The following ETNK1 variants were observed in gnomAD, a reference collection of about 807,000 sequenced individuals.
ETNK1 encodes the protein ethanolamine kinase 1.
ETNK1 carries 8 observed loss-of-function variants against 45.1 expected under a neutral mutation model. The observed-to-expected ratio is 0.18, with a 90% confidence interval of 0.10 to 0.32. ETNK1 has a LOEUF of 0.32. Among genes scored for constraint, ETNK1 ranks in the 10% least tolerant of loss-of-function variants. The probability of loss-of-function intolerance (pLI) is 1.00; values close to 1 mark genes in which losing one functional copy is unlikely to be tolerated. For missense variants in ETNK1, 302 were observed against 430.6 expected, an observed-to-expected ratio of 0.70 and a Z score of 2.64; for synonymous variants, 152 against 151.9, an observed-to-expected ratio of 1.00 and a Z score of -0.01.
rs1954273168 is a variant in ETNK1 at position 22,687,886 on chromosome 12, C to T, written c.*2932C>T. On this transcript the variant is annotated 3_prime_UTR_variant, in exon 8 of 8. Coordinates refer to ENST00000266517, the MANE Select transcript of ETNK1 (RefSeq NM_018638.5). Reference sequence around the variant, plus strand: ...AAAATAGCCAACAGTTGTGGCTACACAGTGAGATCACAGGAACTGGAAATA... The same window carrying T: ...AAAATAGCCAACAGTTGTGGCTACATAGTGAGATCACAGGAACTGGAAATA... The T allele has an allele frequency of 6.6e-6, 1 of 152,274 alleles. No homozygotes were observed. Among genetic ancestry groups the T allele is most frequent in the Admixed American group, 6.6e-5 (1 of 15,244 alleles). The allele number at this position is 152,274 out of a possible 1,614,324, so 9.4% of individuals were successfully genotyped here. A position where few individuals can be genotyped will look rare whatever the true frequency, so the allele number is the denominator to read the frequency against.
intron 6 of ETNK1, among the ~76,000 whole-genome samples, chr12:22,681,007 C>A (rs1954210292): frequency 6.7e-6 from 1 of 148,218 alleles, no homozygotes; most frequent in Non-Finnish European, 1.5e-5. Flanking sequence ...AATTAAAATA[C>A]CCTTTAACAG....
chr12:22,669,534 A>G (rs1954086818), intron 4 of ETNK1, among the ~76,000 whole-genome samples: 1 of 151,758 alleles, frequency 6.6e-6, no homozygotes, highest in South Asian at 2.1e-4. Flanking sequence ...TGAAAATGAG[A>G]TTTCTTCATG....
intron 1 of ETNK1, chr12:22,626,017 G>T: frequency 2.6e-6 from 1 of 383,234 alleles, no homozygotes; most frequent in Non-Finnish European, 5.1e-6. Context: ...CTCCCCCTGC[G>T]ATGTGCTTTC....
In ETNK1 at chr12:22,643,925, C is replaced by T. The variant is rs1250283977; in HGVS notation, c.319C>T (p.Pro107Ser). ...FRVLQAHGCA[P>S]QLYCTFNNGL... ...AGTGTTGCAGGCTCATGGGTGTGCACCACAACTCTACTGTACCTTCAATAA... is the reference window on the plus strand; with the variant it reads ...AGTGTTGCAGGCTCATGGGTGTGCATCACAACTCTACTGTACCTTCAATAA... Residue 107 changes from proline to serine, a missense_variant, in exon 2 of 8, where the codon CCA becomes TCA. Coordinates refer to ENST00000266517, the MANE Select transcript of ETNK1 (RefSeq NM_018638.5). The T allele has an allele frequency of 6.2e-7, 1 of 1,613,274 alleles. No homozygotes were observed. The highest frequency in any genetic ancestry group is 1.3e-5 in the African/African-American group (1 of 74,828).
chr12:22,675,466 C>T (rs986755161), intron 6 of ETNK1, among the ~76,000 whole-genome samples: 3 of 151,400 alleles, frequency 2.0e-5, no homozygotes, highest in African/African-American at 7.3e-5. Flanking sequence ...AGGGGTTCTC[C>T]CAACTCAGCC....
chr12:22,645,021 G>C (rs1391040095), intron 2 of ETNK1, among the ~76,000 whole-genome samples: 1 of 151,806 alleles, frequency 6.6e-6, no homozygotes, highest in African/African-American at 2.4e-5. Context: ...ATAGAAATCT[G>C]TTCAAACCCT....
rs967489038 is a variant in ETNK1 at position 22,648,548 on chromosome 12, G to A, written c.416+4526G>A. On this transcript the variant is annotated intron_variant, in intron 2 of 7. Coordinates refer to ENST00000266517, the MANE Select transcript of ETNK1 (RefSeq NM_018638.5). ...TTCCATGTCTTTTTATGGCTTATTG[G>A]CAGATTTCTTTTTAGGGTTCTGAAT... Among the ~76,000 whole-genome samples the A allele has an allele frequency of 1.8e-4, 27 of 151,920 alleles. 1 individual carries two copies. The highest frequency in any genetic ancestry group is 8.8e-5 in the Non-Finnish European group (6 of 67,854).
At chr12:22,656,608 C>T in intron 2 of ETNK1, 1 of 985,378 alleles carries the variant, frequency 1.0e-6, no homozygotes. Context: ...TGCCTCTCTT[C>T]ACACCTGTTC....
chr12:22,663,572 C>G (rs894633285), intron 4 of ETNK1, among the ~76,000 whole-genome samples: 1 of 152,054 alleles, frequency 6.6e-6, no homozygotes, highest in African/African-American at 2.4e-5. Context: ...TATCTCTAAA[C>G]TATTGATCAG....
chr12:22,635,576 T>C (rs1953645700), intron 1 of ETNK1, among the ~76,000 whole-genome samples: 1 of 152,250 alleles, frequency 6.6e-6, no homozygotes, highest in African/African-American at 2.4e-5. Flanking sequence ...CTTGACAATA[T>C]GTGTTTATTA....
At chr12:22,676,861 T>G (rs1954167761) in intron 6 of ETNK1, among the ~76,000 whole-genome samples, 1 of 152,178 alleles carries the variant, frequency 6.6e-6, no homozygotes, top group Non-Finnish European at 1.5e-5. Context: ...GATGGGTTTT[T>G]TTTTTCTTGT....
intron 6 of ETNK1, among the ~76,000 whole-genome samples, chr12:22,681,425 T>C (rs760452339): frequency 6.6e-6 from 1 of 151,944 alleles, no homozygotes; most frequent in Non-Finnish European, 1.5e-5. Flanking sequence ...GCAAATTTAG[T>C]AGGAAGAAGA....
chr12:22,675,350 C>G (rs1002361040), intron 6 of ETNK1, among the ~76,000 whole-genome samples: 1 of 151,954 alleles, frequency 6.6e-6, no homozygotes, highest in African/African-American at 2.4e-5. Flanking sequence ...TATGAGCCAT[C>G]ATGCCAGACC....
At chr12:22,679,627 G>T (rs12299426) in intron 6 of ETNK1, among the ~76,000 whole-genome samples, 7,040 of 152,030 alleles carry the variant, frequency 0.046, 539 homozygotes, top group African/African-American at 0.16. Context: ...CATTCTCCTA[G>T]GGAGTGGGAG....
At chr12:22,647,184 T>G (rs1190249023) in intron 2 of ETNK1, among the ~76,000 whole-genome samples, 2 of 151,884 alleles carry the variant, frequency 1.3e-5, no homozygotes, top group African/African-American at 4.8e-5. Flanking sequence ...TGTTTAGAAA[T>G]TTTTTCAAAT....
At chr12:22,657,012 T>TGTGTGCATGC (rs1219683786) in intron 2 of ETNK1, 4 of 161,194 alleles carry the variant, frequency 2.5e-5, no homozygotes, top group African/African-American at 9.6e-5. Context: ...TGTGTGTCTG[T>TGTGTGCATGC]GTGTGCATGC....
At position 22,673,582 on chromosome 12, in the gene ETNK1, A is replaced by C; in HGVS notation, c.867A>C (p.Lys289Asn). The C allele has an allele frequency of 6.2e-7, 1 of 1,614,028 alleles. No homozygotes were observed. Among genetic ancestry groups the C allele is most frequent in the Middle Eastern group, 1.7e-4 (1 of 6,058 alleles). ...QWLRAYLEAY[K>N]EFKGFGTEVT... is the part of the protein sequence containing the mutation. The stretch of plus-strand genomic sequence containing the variant: ...TGCGTGCTTACCTTGAAGCCTACAA[A>C]GAATTTAAGGGCTTTGGGACTGAAG... The change falls in exon 6 of 8, where the codon AAA becomes AAC. Residue 289 changes from lysine (K) to asparagine (N), a missense_variant. By Grantham distance (94) the Lys-to-Asn change is moderately conservative. Around this residue, in one of 3 missense-constraint regions of ETNK1, gnomAD observed 94 missense variants for 152.9 expected, o/e 0.61. Transcript: ENST00000266517.
intron 7 of ETNK1, 116 bp from the exon 8 acceptor site, chr12:22,684,766 G>A: frequency 1.2e-6 from 1 of 863,198 alleles, no homozygotes; most frequent in Non-Finnish European, 1.8e-6. Flanking sequence ...CTAAAAATAT[G>A]TCCTTTGAAA....
chr12:22,655,227 CA>C (rs1440640540), intron 2 of ETNK1, among the ~76,000 whole-genome samples: 1 of 152,074 alleles, frequency 6.6e-6, no homozygotes, highest in Non-Finnish European at 1.5e-5. Context: ...CTTGGCCTCC[CA>C]AAGTGTTGGG....
Sources: allele counts gnomAD v4.1 joint callset (sites outside exome capture counted in the v4.1 genomes callset), GRCh38; gene constraint gnomAD v4.1.1; regional missense constraint gnomAD v4.1.1; transcripts MANE v1.5; gene names NCBI Gene and HGNC (gene_info 2026-07-23, HGNC 2026-07-21).